RAPGEF6: variants seen among roughly 807,000 people sequenced by gnomAD.
The protein encoded by RAPGEF6 is Rap guanine nucleotide exchange factor 6.
In RAPGEF6, 56 loss-of-function variants were observed where a neutral mutation model predicts 171.4. The ratio of observed to expected loss-of-function variants is 0.33; its 90% CI spans 0.26 to 0.41. The LOEUF (loss-of-function observed/expected upper bound fraction) is 0.41, where lower values mean the gene tolerates loss of function less well. Among genes scored for constraint, RAPGEF6 ranks in the 10% least tolerant of loss-of-function variants. The pLI is 1.00. For missense variants in RAPGEF6, 1,674 were observed against 1,921.4 expected (o/e 0.87, Z 2.41); for synonymous variants, 692 against 650.1 (o/e 1.06, Z -0.98).
At chr5:131,434,487 C>T (rs1751902939) in intron 24 of RAPGEF6, among the ~76,000 whole-genome samples, 1 of 152,210 alleles carries the variant, frequency 6.6e-6, no homozygotes, top group Admixed American at 6.5e-5. Flanking sequence ...GATCCTCCCG[C>T]CTCAGCCTAC....
chr5:131,479,230 A>G (rs768424805), intron 16 of RAPGEF6, among the ~76,000 whole-genome samples: 1 of 152,166 alleles, frequency 6.6e-6, no homozygotes, highest in Non-Finnish European at 1.5e-5. Context: ...AGAGATCAGG[A>G]GACTAAAAGT....
chr5:131,427,172 G>T lies in RAPGEF6; in HGVS notation c.*94C>A. 1 of 1,154,708 alleles carries T rather than the reference G, an allele frequency of 8.7e-7. No homozygotes were observed. Among genetic ancestry groups the T allele is most frequent in the Non-Finnish European group, 1.3e-6 (1 of 762,356 alleles). The allele number at this position is 1,154,708 out of a possible 1,614,324, so 71.5% of individuals were successfully genotyped here. On this transcript the variant is annotated 3_prime_UTR_variant, in exon 28 of 28. Transcript: ENST00000509018. ...AAACCTCTGGACTGGTTGTAGCAAT[G>T]AGCTGTTCGTTAGCAATGGCCTGCA...
At chr5:131,603,560 A>G (rs1764379675) in intron 2 of RAPGEF6, among the ~76,000 whole-genome samples, 1 of 152,106 alleles carries the variant, frequency 6.6e-6, no homozygotes, top group South Asian at 2.1e-4. Context: ...CTTTATGTAC[A>G]TTACAAAATC....
chr5:131,589,332 T>G (rs2150000137), intron 4 of RAPGEF6, among the ~76,000 whole-genome samples: 1 of 152,346 alleles, frequency 6.6e-6, no homozygotes, highest in South Asian at 2.1e-4. Context: ...TATAAGATAT[T>G]GAAGGTAAAC....
At chr5:131,626,948 C>T (rs1039778230) in intron 1 of RAPGEF6, among the ~76,000 whole-genome samples, 2 of 152,134 alleles carry the variant, frequency 1.3e-5, no homozygotes, top group Non-Finnish European at 2.9e-5. Flanking sequence ...AAGAGTAGAA[C>T]ATAATCAGAT....
At chr5:131,500,160 G>A (rs1756925824) in intron 11 of RAPGEF6, among the ~76,000 whole-genome samples, 1 of 152,196 alleles carries the variant, frequency 6.6e-6, no homozygotes, top group African/African-American at 2.4e-5. Context: ...GCCTCCCAAA[G>A]TACTGGGATT....
At chr5:131,548,314 AAC>A (rs1198588391) in intron 5 of RAPGEF6, 124 bp from the exon 6 acceptor site, 5 of 898,170 alleles carry the variant, frequency 5.6e-6, no homozygotes, top group Non-Finnish European at 8.4e-6. Context: ...GCCTCAAGAA[AAC>A]AGTCTGTATA....
chr5:131,478,410 A>C (rs1755251690), intron 16 of RAPGEF6, among the ~76,000 whole-genome samples: 1 of 152,172 alleles, frequency 6.6e-6, no homozygotes, highest in African/African-American at 2.4e-5. Context: ...AAAAGAACAG[A>C]TCTTATCAAA....
At chr5:131,486,756 G>T (rs1755918489) in intron 15 of RAPGEF6, among the ~76,000 whole-genome samples, 1 of 132,414 alleles carries the variant, frequency 7.6e-6, no homozygotes, top group Non-Finnish European at 1.6e-5. Context: ...TTGAGATAGA[G>T]TCTCGCTCTG....
intron 18 of RAPGEF6, chr5:131,463,755 C>T (rs996850315): frequency 5.0e-5 from 52 of 1,032,520 alleles, no homozygotes; most frequent in Non-Finnish European, 6.0e-5. Context: ...AAAGTACATA[C>T]TGGCCATATT....
In RAPGEF6 at chr5:131,484,828, C is replaced by T. The variant is rs141754908; in HGVS notation, c.1840+4718G>A. Among the ~76,000 whole-genome samples the T allele has an allele frequency of 5.9e-5, 9 of 152,234 alleles. No homozygotes were observed. In the East Asian group the frequency reaches 1.5e-3, roughly 26 times the overall value. Reference sequence around the variant, plus strand: ...GTGAAAAAGCACAGAATATTGTACACAGTATGGTTCCATTGTATATCTATT... The same window carrying T: ...GTGAAAAAGCACAGAATATTGTACATAGTATGGTTCCATTGTATATCTATT... On this transcript the variant is annotated intron_variant, in intron 15 of 27. Transcript: ENST00000509018.
chr5:131,442,608 A>G (rs773413377), intron 22 of RAPGEF6, 71 bp from the exon 23 acceptor site: 1 of 1,558,966 alleles, frequency 6.4e-7, no homozygotes, highest in Admixed American at 2.0e-5. Flanking sequence ...GCAATAATAA[A>G]TGGTTACTTT....
chr5:131,473,785 T>G (rs1057074901), intron 16 of RAPGEF6, among the ~76,000 whole-genome samples: 1 of 152,168 alleles, frequency 6.6e-6, no homozygotes, highest in Non-Finnish European at 1.5e-5. Context: ...ATGTAAAATA[T>G]AGGATTTTAC....
At chr5:131,544,629 G>A (rs1490437492) in intron 6 of RAPGEF6, among the ~76,000 whole-genome samples, 1 of 152,128 alleles carries the variant, frequency 6.6e-6, no homozygotes, top group Non-Finnish European at 1.5e-5. Context: ...TACGGTGATG[G>A]TTTCAAAGGT....
intron 6 of RAPGEF6, among the ~76,000 whole-genome samples, chr5:131,528,313 T>TAATATATATATATA (rs1251388931): frequency 4.1e-5 from 2 of 48,846 alleles, no homozygotes; most frequent in South Asian, 6.5e-4. Flanking sequence ...TATATTTATA[T>TAATATATATATATA]TATATATATA....
intron 19 of RAPGEF6, among the ~76,000 whole-genome samples, chr5:131,459,464 T>C (rs979136245): frequency 6.6e-6 from 1 of 152,108 alleles, no homozygotes; most frequent in Non-Finnish European, 1.5e-5. Flanking sequence ...CAACACTGGA[T>C]TCAAACCTAG....
chr5:131,436,182 C>G, intron 24 of RAPGEF6: 1 of 1,537,738 alleles, frequency 6.5e-7, no homozygotes, highest in Non-Finnish European at 8.7e-7. Context: ...GTCTTCTAAA[C>G]GGGGATGTCA....
intron 15 of RAPGEF6, 143 bp from the exon 16 acceptor site, chr5:131,479,896 T>C (rs1755354078): frequency 1.2e-6 from 1 of 824,262 alleles, no homozygotes; most frequent in South Asian, 1.8e-5. Context: ...GTCAAGTATT[T>C]ACCCGTCCTT....
At chr5:131,499,613 C>G (rs375833507) in intron 11 of RAPGEF6, among the ~76,000 whole-genome samples, 2 of 121,254 alleles carry the variant, frequency 1.6e-5, no homozygotes, top group Admixed American at 1.6e-4. Context: ...AGAATATAAA[C>G]AAAAATTTCC....
Sources: allele counts gnomAD v4.1 joint callset (sites outside exome capture counted in the v4.1 genomes callset), GRCh38; gene constraint gnomAD v4.1.1; transcripts MANE v1.5; gene names NCBI Gene and HGNC (gene_info 2026-07-23, HGNC 2026-07-21).